Variants in DPP6 observed in about 807,000 individuals in gnomAD.
DPP6 encodes the protein A-type potassium channel modulatory protein DPP6.
DPP6 carries 69 observed loss-of-function variants against 122.6 expected under a neutral mutation model. The observed-to-expected ratio is 0.56, with a 90% CI of 0.46 to 0.69. The LOEUF (loss-of-function observed/expected upper bound fraction) is 0.69, where lower values mean the gene tolerates loss of function less well. Ranked by LOEUF, DPP6 falls within the 30% of genes least tolerant of loss-of-function variation. DPP6 has a pLI of 0.00. For synonymous variants in DPP6, 418 were observed against 433.1 expected, an observed-to-expected ratio of 0.97 and a Z score of 0.43; for missense variants, 928 against 1,116.9, an observed-to-expected ratio of 0.83 and a Z score of 2.41.
At chr7:154,822,829 T>A (rs1445305432) in intron 16 of DPP6, among the ~76,000 whole-genome samples, 1 of 152,192 alleles carries the variant, frequency 6.6e-6, no homozygotes, top group Non-Finnish European at 1.5e-5. Context: ...CTCCTGCCAT[T>A]GATTTTTCTG....
chr7:153,836,344 G>A, the DPP6 span, among the ~76,000 whole-genome samples: 3 of 152,138 alleles, frequency 2.0e-5, no homozygotes, highest in Admixed American at 6.5e-5. Context: ...TTTGTACGTG[G>A]GGTGGGGGTA....
chr7:153,963,320 G>C, intron 1 of DPP6, among the ~76,000 whole-genome samples: 1 of 151,134 alleles, frequency 6.6e-6, no homozygotes. Context: ...GGGGGCTTTA[G>C]TGTAGATGAT....
intron 19 of DPP6, among the ~76,000 whole-genome samples, chr7:154,873,363 G>C (rs1251959643): frequency 6.6e-6 from 1 of 152,184 alleles, no homozygotes; most frequent in Non-Finnish European, 1.5e-5. Context: ...GGGCCACCTG[G>C]ACCGTTGAGC....
In DPP6 at chr7:154,289,190, C is replaced by T. The variant is rs145919738; in HGVS notation, c.244-157024C>T. Among the ~76,000 whole-genome samples, 458 of 152,218 alleles carry T rather than the reference C, an allele frequency of 3.0e-3. 4 individuals carry two copies. The highest frequency in any genetic ancestry group is 4.9e-3 in the Admixed American group (75 of 15,300). Reference sequence around the variant, plus strand: ...AGAGGTAGATTTCAAATAGAATCGCCTAGGTTGAAAATAAAAAGCAGTCAT... The same window carrying T: ...AGAGGTAGATTTCAAATAGAATCGCTTAGGTTGAAAATAAAAAGCAGTCAT... On this transcript the variant is annotated intron_variant, in intron 1 of 25. Transcript: ENST00000377770.
At chr7:154,693,976 C>G (rs573572670) in intron 7 of DPP6, among the ~76,000 whole-genome samples, 1 of 152,298 alleles carries the variant, frequency 6.6e-6, no homozygotes, top group South Asian at 2.1e-4. Flanking sequence ...ATTCAGGCTG[C>G]TCTAACAATA....
intron 1 of DPP6, among the ~76,000 whole-genome samples, chr7:154,036,341 G>A (rs1431933893): frequency 6.8e-6 from 1 of 147,654 alleles, no homozygotes; most frequent in Non-Finnish European, 1.5e-5. Context: ...GGCTGGTCTC[G>A]AACTCCTGAC....
At chr7:154,568,942 C>T (rs1830938590) in intron 5 of DPP6, among the ~76,000 whole-genome samples, 1 of 152,098 alleles carries the variant, frequency 6.6e-6, no homozygotes, top group Non-Finnish European at 1.5e-5. Flanking sequence ...GTATACATGA[C>T]TATTCAAGCA....
At chr7:154,429,688 C>A (rs907869263) in intron 1 of DPP6, among the ~76,000 whole-genome samples, 1 of 152,106 alleles carries the variant, frequency 6.6e-6, no homozygotes, top group South Asian at 2.1e-4. Context: ...GTGCCCGCCT[C>A]GGAATGGCTA....
rs377020613 is a variant in DPP6 at position 154,536,005 on chromosome 7, A to G, written c.458-4527A>G. ...AAGTGCAAACATACCATATGACCCA[A>G]CAATATAATAGCTACAACCTGGCAG... On this transcript the variant is annotated intron_variant, in intron 3 of 25. Coordinates refer to ENST00000377770, the MANE Select transcript of DPP6 (RefSeq NM_130797.4). 1.4e-4 allele frequency among the ~76,000 whole-genome samples: 22 copies of G among 152,308 alleles called. No homozygotes were observed. The East Asian group carries it at 3.7e-3, about 25-fold the overall frequency.
intron 1 of DPP6, among the ~76,000 whole-genome samples, chr7:153,902,930 G>A (rs755445449): frequency 1.9e-4 from 29 of 152,174 alleles, no homozygotes; most frequent in Non-Finnish European, 5.9e-5. Context: ...ACAGGAAGAA[G>A]TAAGTGTCTT....
chr7:154,478,147 C>T (rs184571862), intron 3 of DPP6, among the ~76,000 whole-genome samples: 2 of 151,916 alleles, frequency 1.3e-5, no homozygotes, highest in African/African-American at 4.8e-5. Flanking sequence ...ATAGAGTTCA[C>T]CCATTTTTTT....
At chr7:154,684,044 T>C (rs533825488) in intron 7 of DPP6, among the ~76,000 whole-genome samples, 1 of 152,248 alleles carries the variant, frequency 6.6e-6, no homozygotes, top group South Asian at 2.1e-4. Flanking sequence ...AGTTCTTGTA[T>C]TTTTTGTAGA....
chr7:153,908,029 G>GT (rs34826354), intron 1 of DPP6, among the ~76,000 whole-genome samples: 13,475 of 113,826 alleles, frequency 0.12, 1,204 homozygotes, highest in African/African-American at 0.25. Flanking sequence ...GAGGCTGGAA[G>GT]TTTTTTTTTT....
At chr7:153,964,216 G>A (rs1386135149) in intron 1 of DPP6, among the ~76,000 whole-genome samples, 1 of 152,032 alleles carries the variant, frequency 6.6e-6, no homozygotes, top group Non-Finnish European at 1.5e-5. Context: ...AGCTGATCTC[G>A]AACTCCTGAC....
chr7:154,331,142 C>A (rs1469615569), intron 1 of DPP6, among the ~76,000 whole-genome samples: 1 of 152,160 alleles, frequency 6.6e-6, no homozygotes, highest in Non-Finnish European at 1.5e-5. Context: ...GTATTTTAGA[C>A]CCCAAAGATA....
chr7:154,063,707 G>C (rs1294085116), intron 1 of DPP6, among the ~76,000 whole-genome samples: 2 of 149,184 alleles, frequency 1.3e-5, no homozygotes, highest in Non-Finnish European at 3.0e-5. Flanking sequence ...CGTGAGGTGG[G>C]GACTGAGAGC....
intron 1 of DPP6, among the ~76,000 whole-genome samples, chr7:153,889,713 C>A (rs1799103935): frequency 6.6e-6 from 1 of 152,184 alleles, no homozygotes; most frequent in Admixed American, 6.5e-5. Context: ...CATTGCATCC[C>A]TTCCCCTGTG....
intron 1 of DPP6, among the ~76,000 whole-genome samples, chr7:154,373,530 G>T (rs532343622): frequency 1.4e-4 from 22 of 152,270 alleles, no homozygotes; most frequent in African/African-American, 4.1e-4. Context: ...TGCACTAAAT[G>T]CAGACTCCTA....
At chr7:153,816,845 G>A in the DPP6 span, among the ~76,000 whole-genome samples, 5 of 151,918 alleles carry the variant, frequency 3.3e-5, no homozygotes, top group East Asian at 1.9e-4. Context: ...TTTGTGGAAC[G>A]GATGCAAGGC....
Sources: gnomAD v4.1 joint callset for allele counts (sites outside exome capture counted in the v4.1 genomes callset) on GRCh38, gnomAD v4.1.1 for gene constraint, MANE v1.5 for transcripts, NCBI Gene and HGNC (gene_info 2026-07-23, HGNC 2026-07-21) for gene names.